The following TSHZ2 variants were observed in gnomAD, a reference collection of about 807,000 sequenced individuals.
The protein encoded by TSHZ2 is teashirt zinc finger homeobox 2, also known as teashirt homolog 2.
TSHZ2 carries 21 observed loss-of-function variants against 74.4 expected under a neutral mutation model. That is an observed-to-expected ratio of 0.28 (90% confidence interval 0.20 to 0.41). The LOEUF (loss-of-function observed/expected upper bound fraction) is 0.41, where lower values mean the gene tolerates loss of function less well. Ranked by LOEUF, TSHZ2 falls within the 10% of genes least tolerant of loss-of-function variation. The pLI is 1.00. For synonymous variants in TSHZ2, 540 were observed against 515.3 expected (o/e 1.05, Z -0.65); for missense variants, 1,244 against 1,293.5 (o/e 0.96, Z 0.59).
intron 1 of TSHZ2, among the ~76,000 whole-genome samples, chr20:52,988,162 G>A (rs757356413): frequency 3.9e-5 from 6 of 152,034 alleles, no homozygotes; most frequent in Non-Finnish European, 8.8e-5. Flanking sequence ...GACACTAACT[G>A]TCATCGCCTT....
intron 1 of TSHZ2, among the ~76,000 whole-genome samples, chr20:53,229,265 C>G (rs1324281454): frequency 6.6e-6 from 1 of 152,104 alleles, no homozygotes; most frequent in Non-Finnish European, 1.5e-5. Flanking sequence ...GAGCAGCTAA[C>G]CCAGTACGTC....
chr20:53,410,559 A>G (rs144483658), intron 2 of TSHZ2, among the ~76,000 whole-genome samples: 4 of 150,852 alleles, frequency 2.7e-5, no homozygotes, highest in Non-Finnish European at 5.9e-5. Flanking sequence ...ACCTAAGAAG[A>G]AGTTTGGGAA....
chr20:53,220,234 TAA>T (rs1159909153), intron 1 of TSHZ2, among the ~76,000 whole-genome samples: 1 of 152,132 alleles, frequency 6.6e-6, no homozygotes, highest in Non-Finnish European at 1.5e-5. Flanking sequence ...GTCTTTGGGG[TAA>T]TTGGAGCAAA....
chr20:53,358,488 G>A lies in TSHZ2; in HGVS notation c.*8+101917G>A, dbSNP rs201422192. ...CCCCAGTACCTGGGACTACAGGCGT[G>A]CACCACCATGCCTGGCTACTTTTTT... is the stretch of plus-strand genomic sequence containing the variant. On this transcript the variant is annotated intron_variant, in intron 2 of 2. Transcript: ENST00000371497. Among the ~76,000 whole-genome samples, 7 of 152,002 alleles carry A rather than the reference G, an allele frequency of 4.6e-5. No homozygotes were observed. In the East Asian group the frequency reaches 1.4e-3, roughly 30 times the overall value.
chr20:53,206,540 T>C (rs1164149007), intron 1 of TSHZ2: 2 of 152,270 alleles, frequency 1.3e-5, no homozygotes, highest in Admixed American at 1.3e-4. Flanking sequence ...CCGAAACACT[T>C]ACCTCTTCAA....
intron 1 of TSHZ2, among the ~76,000 whole-genome samples, chr20:52,996,708 A>G (rs1451569012): frequency 6.6e-6 from 1 of 152,168 alleles, no homozygotes; most frequent in Non-Finnish European, 1.5e-5. Context: ...ATTCTCTTGC[A>G]TAGTGGTGTT....
At chr20:53,264,728 G>C (rs1251798988) in intron 2 of TSHZ2, among the ~76,000 whole-genome samples, 2 of 152,228 alleles carry the variant, frequency 1.3e-5, no homozygotes, top group African/African-American at 4.8e-5. Flanking sequence ...TCCGTGATAT[G>C]TGTTGATTTT....
At chr20:53,024,820 G>A (rs561249559) in intron 1 of TSHZ2, among the ~76,000 whole-genome samples, 61 of 152,214 alleles carry the variant, frequency 4.0e-4, no homozygotes, top group African/African-American at 1.2e-3. Context: ...TGCAAAGGAC[G>A]TGGACTCATC....
intron 1 of TSHZ2, among the ~76,000 whole-genome samples, chr20:53,110,236 G>A (rs1649628668): frequency 6.6e-6 from 1 of 151,736 alleles, no homozygotes; most frequent in African/African-American, 2.4e-5. Context: ...TTCCTATTGT[G>A]CTAGCCCTAG....
intron 1 of TSHZ2, among the ~76,000 whole-genome samples, chr20:53,126,920 G>A (rs1450701293): frequency 6.6e-6 from 1 of 152,030 alleles, no homozygotes; most frequent in Non-Finnish European, 1.5e-5. Context: ...TCTGAATCCT[G>A]GGCTCTTTCG....
chr20:53,195,089 A>G (rs981281488), intron 1 of TSHZ2, among the ~76,000 whole-genome samples: 1 of 152,110 alleles, frequency 6.6e-6, no homozygotes, highest in African/African-American at 2.4e-5. Flanking sequence ...GCAGAGGAGC[A>G]GGACTTTTGC....
At chr20:53,223,774 G>T (rs951834369) in intron 1 of TSHZ2, among the ~76,000 whole-genome samples, 1 of 152,072 alleles carries the variant, frequency 6.6e-6, no homozygotes, top group Non-Finnish European at 1.5e-5. Flanking sequence ...GGAAAGAAAG[G>T]GGGAGGTAGC....
intron 2 of TSHZ2, among the ~76,000 whole-genome samples, chr20:53,308,955 G>A (rs1262829581): frequency 6.6e-6 from 1 of 152,154 alleles, no homozygotes; most frequent in Admixed American, 6.5e-5. Context: ...TGGGGAAGAG[G>A]GCTGCGGTTT....
chr20:53,281,940 G>C (rs560830213), intron 2 of TSHZ2, among the ~76,000 whole-genome samples: 116 of 152,338 alleles, frequency 7.6e-4, no homozygotes, highest in African/African-American at 2.8e-3. Context: ...TGTACTGGCA[G>C]AGCAGCTTCA....
intron 2 of TSHZ2, among the ~76,000 whole-genome samples, chr20:53,438,115 C>CA (rs1984162414): frequency 7.5e-6 from 1 of 133,590 alleles, no homozygotes; most frequent in African/African-American, 2.8e-5. Context: ...TTTTTTTTTT[C>CA]TTTTTTTTTT....
intron 1 of TSHZ2, among the ~76,000 whole-genome samples, chr20:53,146,789 A>G (rs1209269777): frequency 6.6e-6 from 1 of 152,188 alleles, no homozygotes; most frequent in East Asian, 1.9e-4. Context: ...AAACCAATAC[A>G]GTGAGGAACA....
intron 1 of TSHZ2, among the ~76,000 whole-genome samples, chr20:53,202,788 A>G (rs993926289): frequency 6.6e-6 from 1 of 152,132 alleles, no homozygotes; most frequent in Non-Finnish European, 1.5e-5. Context: ...AGCTAGCAAG[A>G]CTTAACTGTT....
At chr20:53,139,784 T>C (rs1987342320) in intron 1 of TSHZ2, among the ~76,000 whole-genome samples, 1 of 152,222 alleles carries the variant, frequency 6.6e-6, no homozygotes, top group Non-Finnish European at 1.5e-5. Flanking sequence ...CTTTTATCAT[T>C]TTATGTCCAG....
chr20:53,101,380 A>C (rs1986213012), intron 1 of TSHZ2, among the ~76,000 whole-genome samples: 2 of 152,204 alleles, frequency 1.3e-5, no homozygotes. Flanking sequence ...CACTTACGTC[A>C]ATTTATTCCT....
Sources: allele counts gnomAD v4.1 joint callset (sites outside exome capture counted in the v4.1 genomes callset), GRCh38; gene constraint gnomAD v4.1.1; transcripts MANE v1.5; gene names NCBI Gene and HGNC (gene_info 2026-07-23, HGNC 2026-07-21).